Variants in RNMT observed in about 807,000 individuals in gnomAD.
RNMT encodes RNA guanine-7 methyltransferase.
Under a neutral mutation model 56.0 loss-of-function variants are expected in RNMT, and 27 were observed. The observed-to-expected ratio is 0.48, with a 90% confidence interval of 0.36 to 0.67. The LOEUF is 0.67. RNMT is among the 30% of genes least tolerant of loss of function. The pLI is 0.00. For synonymous variants in RNMT, 184 were observed against 176.2 expected, an observed-to-expected ratio of 1.04 and a Z score of -0.35; for missense variants, 519 against 552.1, an observed-to-expected ratio of 0.94 and a Z score of 0.60.
intron 5 of RNMT, among the ~76,000 whole-genome samples, chr18:13,738,716 GGAA>G (rs1049029046): frequency 6.6e-6 from 1 of 152,178 alleles, no homozygotes; most frequent in African/African-American, 2.4e-5. Flanking sequence ...AAAAGTATTG[GGAA>G]GAAGTCCAGC....
In RNMT at chr18:13,731,757, G is replaced by T. The variant is rs760567801; in HGVS notation, c.240G>T (p.Lys80Asn). Residue 80 changes from lysine (K) to asparagine (N), a missense_variant, in exon 3 of 12, where the codon AAG becomes AAT. Transcript: ENST00000383314. Reference sequence around the variant, plus strand: ...GTTGTGGGAAAGACACTCCATCCAAGAAGAGAAAACTTGATCCTGAAATTG... The same window carrying T: ...GTTGTGGGAAAGACACTCCATCCAATAAGAGAAAACTTGATCCTGAAATTG... ...SSSCGKDTPS[K>N]KRKLDPEIVP... The T allele has an allele frequency of 7.4e-6, 12 of 1,612,846 alleles. No homozygotes were observed. In the East Asian group the frequency reaches 2.5e-4, roughly 33 times the overall value.
At chr18:13,744,592 C>G (rs1451087939) in intron 8 of RNMT, among the ~76,000 whole-genome samples, 1 of 151,446 alleles carries the variant, frequency 6.6e-6, no homozygotes. Flanking sequence ...TAGAGATTTA[C>G]AAAAGAAAAT....
In RNMT at chr18:13,742,634, A is replaced by G. The variant is rs781289611; in HGVS notation, c.1121A>G (p.Tyr374Cys). 1 of 1,612,814 alleles carries G rather than the reference A, an allele frequency of 6.2e-7. No individual in the cohort carries two copies. The highest frequency in any genetic ancestry group is 8.5e-7 in the Non-Finnish European group (1 of 1,179,422). The change falls in exon 8 of 12, where the codon TAT (tyrosine) becomes TGT (cysteine). Residue 374 changes from tyrosine (Y) to cysteine (C), a missense_variant. Tyr to Cys is a radical substitution (Grantham distance 194). Coordinates refer to ENST00000383314, the MANE Select transcript of RNMT (RefSeq NM_003799.3). Reference sequence around the variant, plus strand: ...GTGGATGTTCCTGAATTCTTGGTCTATTTTCCATTGCTAAATGAGTAAGAA... The same window carrying G: ...GTGGATGTTCCTGAATTCTTGGTCTGTTTTCCATTGCTAAATGAGTAAGAA... ...GVVDVPEFLV[Y>C]FPLLNEMAKK...
chr18:13,744,921 C>T (rs189875546), intron 8 of RNMT, among the ~76,000 whole-genome samples: 58 of 152,190 alleles, frequency 3.8e-4, no homozygotes, highest in East Asian at 3.7e-3. Context: ...GAGAGTCTAA[C>T]GGAGAGACCT....
At position 13,750,065 on chromosome 18, in the gene RNMT, A is replaced by C. The variant is rs572582518; in HGVS notation, c.1258-2261A>C. On this transcript the variant is annotated intron_variant, in intron 9 of 11. Coordinates refer to ENST00000383314, the MANE Select transcript of RNMT (RefSeq NM_003799.3). ...TGAGCTACCGAGCCAGGCCTGATTTACATGTATTAAAAGGCAAAATGCAGA... is the reference window on the plus strand; with the variant it reads ...TGAGCTACCGAGCCAGGCCTGATTTCCATGTATTAAAAGGCAAAATGCAGA... 7.2e-5 allele frequency among the ~76,000 whole-genome samples: 11 copies of C among 152,256 alleles called. No individual in the cohort carries two copies. In the South Asian group the frequency reaches 2.1e-3, roughly 29 times the overall value.
intron 6 of RNMT, 44 bp from the exon 7 acceptor site, chr18:13,741,466 G>A: frequency 7.1e-7 from 1 of 1,408,024 alleles, no homozygotes; most frequent in Non-Finnish European, 9.9e-7. Flanking sequence ...TTTAATCTTT[G>A]TTGTAGTTAC....
At chr18:13,748,729 A>C (rs1196376684) in intron 9 of RNMT, among the ~76,000 whole-genome samples, 1 of 152,110 alleles carries the variant, frequency 6.6e-6, no homozygotes, top group Non-Finnish European at 1.5e-5. Context: ...AACATATTCT[A>C]GGGACAGTTC....
chr18:13,744,757 C>G (rs2044325252), intron 8 of RNMT, among the ~76,000 whole-genome samples: 1 of 152,148 alleles, frequency 6.6e-6, no homozygotes, highest in East Asian at 1.9e-4. Flanking sequence ...AAATGCCACC[C>G]TGTACACGAG....
intron 11 of RNMT, among the ~76,000 whole-genome samples, chr18:13,758,610 T>C (rs958256162): frequency 4.4e-4 from 67 of 152,318 alleles, no homozygotes; most frequent in Non-Finnish European, 2.6e-4. Context: ...ATAAAGGGAA[T>C]GTTGTGGCTG....
At chr18:13,745,282 G>A (rs1396986738) in intron 8 of RNMT, among the ~76,000 whole-genome samples, 3 of 152,164 alleles carry the variant, frequency 2.0e-5, no homozygotes, top group South Asian at 2.1e-4. Flanking sequence ...ATCTGGCTGC[G>A]ATTGGAAAAT....
chr18:13,752,868 A>G (rs145515455), intron 10 of RNMT, among the ~76,000 whole-genome samples: 83 of 152,388 alleles, frequency 5.4e-4, no homozygotes, highest in African/African-American at 1.8e-3. Context: ...TGTCATCAGT[A>G]GAAGTTACAG....
chr18:13,749,642 A>G (rs2044408330), intron 9 of RNMT, among the ~76,000 whole-genome samples: 1 of 152,248 alleles, frequency 6.6e-6, no homozygotes. Flanking sequence ...TATTAAAAAC[A>G]TAAACTTTGT....
rs1416711140 is a variant in RNMT, at chr18:13,732,767, A to C, written c.417+833A>C. Among the ~76,000 whole-genome samples the C allele has an allele frequency of 1.1e-3, 108 of 95,282 alleles. 2 individuals carry two copies. The highest frequency in any genetic ancestry group is 0.011 in the Middle Eastern group (1 of 88). The allele number at this position is 95,282 out of a possible 152,430, so 62.5% of individuals were successfully genotyped here. The stretch of plus-strand genomic sequence containing the variant: ...CTTTTTTTTTTTTTTTTTTTTGGAG[A>C]CAGAGTCTCACTCTGTCTCCTAGGC... On this transcript the variant is annotated intron_variant, in intron 3 of 11. Coordinates refer to ENST00000383314, the MANE Select transcript of RNMT (RefSeq NM_003799.3).
Position 13,760,413 on chromosome 18 carries a change from C to A in RNMT, c.*434C>A. On this transcript the variant is annotated 3_prime_UTR_variant, in exon 12 of 12. Transcript: ENST00000383314. ...TATGGTTTTGTTATATAGCATTTTT[C>A]AACATTTAATGGTCTGTACAGTTGA... 1.0e-6 allele frequency: 1 copy of A among 988,920 alleles called. No homozygotes were observed. The highest frequency in any genetic ancestry group is 1.2e-6 in the Non-Finnish European group (1 of 831,802). The allele number at this position is 988,920 out of a possible 1,614,324, so 61.3% of individuals were successfully genotyped here.
At chr18:13,759,068 G>A (rs190909060) in intron 11 of RNMT, among the ~76,000 whole-genome samples, 1 of 152,200 alleles carries the variant, frequency 6.6e-6, no homozygotes. Flanking sequence ...AACAATTACA[G>A]TAATAACAGC....
At chr18:13,745,491 A>AGAAGGGG (rs1315398226) in intron 8 of RNMT, among the ~76,000 whole-genome samples, 1 of 152,218 alleles carries the variant, frequency 6.6e-6, no homozygotes, top group Non-Finnish European at 1.5e-5. Flanking sequence ...TGGGTAAAAG[A>AGAAGGGG]GAAGGGGAGA....
intron 8 of RNMT, among the ~76,000 whole-genome samples, chr18:13,743,956 TTTTAA>T (rs530611583): frequency 1.2e-4 from 19 of 152,106 alleles, no homozygotes; most frequent in African/African-American, 4.3e-4. Flanking sequence ...TACATTTTCC[TTTTAA>T]TTTTTAAAAC....
At chr18:13,748,200 G>A (rs2044383239) in intron 9 of RNMT, among the ~76,000 whole-genome samples, 1 of 152,208 alleles carries the variant, frequency 6.6e-6, no homozygotes. Flanking sequence ...GATGTTTGAG[G>A]AAGTAGTGCT....
chr18:13,752,294 A>G (rs1284230755), intron 9 of RNMT, 32 bp from the exon 10 acceptor site: 1 of 1,340,196 alleles, frequency 7.5e-7, no homozygotes, highest in East Asian at 2.3e-5. Context: ...AATTTCCGTT[A>G]TTGTAACTAG....
Sources: gnomAD v4.1 joint callset for allele counts (sites outside exome capture counted in the v4.1 genomes callset) on GRCh38, gnomAD v4.1.1 for gene constraint, MANE v1.5 for transcripts, NCBI Gene and HGNC (gene_info 2026-07-23, HGNC 2026-07-21) for gene names.